Variants in HEATR1 observed in about 807,000 individuals in gnomAD.
The protein encoded by HEATR1 is HEAT repeat-containing protein 1.
In HEATR1, 77 loss-of-function variants were observed where a neutral mutation model predicts 248.2. That is an observed-to-expected ratio of 0.31 (90% CI 0.26 to 0.37). The LOEUF (loss-of-function observed/expected upper bound fraction) is 0.37. HEATR1 is among the 10% of genes least tolerant of loss of function. The probability of loss-of-function intolerance (pLI) is 1.00; values close to 1 mark genes in which losing one functional copy is unlikely to be tolerated. For missense variants in HEATR1, 2,420 were observed against 2,504.9 expected (o/e 0.97, Z 0.72); for synonymous variants, 897 against 923.1 (o/e 0.97, Z 0.51).
At chr1:236,559,636 TTAAAAACTTTACA>T in intron 34 of HEATR1, 65 bp downstream of exon 34, 1 of 1,463,208 alleles carries the variant, frequency 6.8e-7, no homozygotes, top group African/African-American at 1.4e-5. Flanking sequence ...AAGTTTATTC[TTAAAAACTTTACA>T]TAATTTCACA....
intron 3 of HEATR1, among the ~76,000 whole-genome samples, chr1:236,601,583 A>C (rs1572056475): frequency 6.6e-6 from 1 of 152,100 alleles, no homozygotes; most frequent in African/African-American, 2.4e-5. Flanking sequence ...CGGCAGGAGG[A>C]TCGCTTGAGG....
chr1:236,551,890 C>T, intron 44 of HEATR1, 109 bp downstream of exon 44: 2 of 738,368 alleles, frequency 2.7e-6, no homozygotes, highest in South Asian at 1.7e-5. Flanking sequence ...ACTGGATCAA[C>T]TGCTAGTCAC....
chr1:236,565,397 T>C (rs1663243461), intron 31 of HEATR1, among the ~76,000 whole-genome samples: 2 of 152,188 alleles, frequency 1.3e-5, no homozygotes, highest in Non-Finnish European at 2.9e-5. Context: ...AAAGTGATCC[T>C]CCTGTCTCAT....
intron 29 of HEATR1, among the ~76,000 whole-genome samples, chr1:236,568,188 C>A (rs1252832990): frequency 6.6e-6 from 1 of 152,208 alleles, no homozygotes; most frequent in East Asian, 1.9e-4. Flanking sequence ...ATAGAACTTT[C>A]TGGTCATCCT....
rs546690384 is a variant in HEATR1, at chr1:236,596,191, G to A, written c.745-147C>T. On this transcript the variant is annotated intron_variant, in intron 6 of 44. Transcript: ENST00000366582. ...CTCTTCAGACATAAACAATAAAGGA[G>A]CTGACCCCTTTTTCAGAGTGGATAC... The A allele has an allele frequency of 2.1e-4, 131 of 625,728 alleles. No individual in the cohort carries two copies. In the South Asian group the frequency reaches 2.9e-3, roughly 14 times the overall value. 38.8% of individuals were successfully genotyped at this position (625,728 alleles called of 1,614,324 possible).
intron 28 of HEATR1, among the ~76,000 whole-genome samples, chr1:236,570,221 A>G (rs571145355): frequency 4.6e-5 from 7 of 152,326 alleles, no homozygotes; most frequent in East Asian, 3.9e-4. Context: ...CCCAAGAGGC[A>G]GAGCTTGCAG....
chr1:236,557,319 ATTG>A lies in HEATR1; in HGVS notation c.5228_5230del (p.Thr1743del), dbSNP rs1558177637. ...GGAGACCAGCTCGCTGGTGTTCTTC[ATTG>A]TTGTCAGCAACGATGGCATCAGGCT... On this transcript the variant is annotated inframe_deletion, in exon 37 of 45. Coordinates refer to ENST00000366582, the MANE Select transcript of HEATR1 (RefSeq NM_018072.6). 2.5e-6 allele frequency: 4 copies of A among 1,614,158 alleles called. No homozygotes were observed. Among genetic ancestry groups the A allele is most frequent in the South Asian group, 1.1e-5 (1 of 91,068 alleles).
chr1:236,561,921 TC>T (rs1367350521), intron 32 of HEATR1, among the ~76,000 whole-genome samples: 5 of 152,208 alleles, frequency 3.3e-5, no homozygotes, highest in Admixed American at 2.6e-4. Flanking sequence ...CATTTTTATG[TC>T]CCTTTGATCA....
intron 9 of HEATR1, among the ~76,000 whole-genome samples, chr1:236,593,085 C>T (rs1247333715): frequency 1.3e-5 from 2 of 151,920 alleles, no homozygotes; most frequent in African/African-American, 4.8e-5. Context: ...TCCCAGCTAC[C>T]AGGGAGGCTG....
chr1:236,556,368 ACT>A, intron 37 of HEATR1, 110 bp from the exon 38 acceptor site: 1 of 1,095,920 alleles, frequency 9.1e-7, no homozygotes, highest in Non-Finnish European at 1.3e-6. Flanking sequence ...AATGCTTAGC[ACT>A]TTTTAACTAC....
At chr1:236,595,237 G>A (rs796454449) in intron 8 of HEATR1, among the ~76,000 whole-genome samples, 1 of 152,006 alleles carries the variant, frequency 6.6e-6, no homozygotes, top group African/African-American at 2.4e-5. Context: ...AGAAGGCAAA[G>A]GTTTACTCAG....
intron 19 of HEATR1, among the ~76,000 whole-genome samples, chr1:236,581,945 G>C (rs1663760414): frequency 6.6e-6 from 1 of 152,114 alleles, no homozygotes; most frequent in African/African-American, 2.4e-5. Flanking sequence ...CATATTAGTA[G>C]GAGTGTAGCA....
rs1412859088 is a variant in HEATR1 at position 236,559,770 on chromosome 1, G to A, written c.4714C>T (p.Leu1572Phe). The A allele has an allele frequency of 1.9e-6, 3 of 1,614,008 alleles. No individual in the cohort carries two copies. The highest frequency in any genetic ancestry group is 2.2e-5 in the East Asian group (1 of 44,898). ...AQSMERNADK[L>F]TVKFWRALLS... ...AGCGCGCGCCAGAACTTCACGGTGA[G>A]TTTGTCTGCGTTCCTTTCCATGGAC... Residue 1572 changes from leucine to phenylalanine, a missense_variant, in exon 34 of 45, where the codon CTC becomes TTC. By Grantham distance (22) the Leu-to-Phe change is conservative. Coordinates refer to ENST00000366582, the MANE Select transcript of HEATR1 (RefSeq NM_018072.6).
At chr1:236,559,539 T>G (rs1241851618) in intron 34 of HEATR1, among the ~76,000 whole-genome samples, 175 bp downstream of exon 34, 1 of 152,216 alleles carries the variant, frequency 6.6e-6, no homozygotes, top group Non-Finnish European at 1.5e-5. Context: ...AGGAAACAAT[T>G]TTTTCCAGAC....
At chr1:236,576,423 ACAAAGG>A in intron 21 of HEATR1, 46 bp from the exon 22 acceptor site, 20 of 1,354,154 alleles carry the variant, frequency 1.5e-5, no homozygotes, top group Non-Finnish European at 2.0e-5. Context: ...TTAAGAAACT[ACAAAGG>A]CTAAATATAT....
At chr1:236,573,932 C>A (rs1047803986) in intron 24 of HEATR1, 20 of 236,854 alleles carry the variant, frequency 8.4e-5, no homozygotes, top group Non-Finnish European at 8.0e-6. Flanking sequence ...TAGGTAGATT[C>A]CGTCTAATAT....
intron 37 of HEATR1, among the ~76,000 whole-genome samples, chr1:236,556,767 C>A (rs1368413683): frequency 2.0e-5 from 3 of 152,140 alleles, no homozygotes; most frequent in African/African-American, 4.8e-5. Context: ...ATACCACTGG[C>A]CCCTAGCGTG....
intron 37 of HEATR1, 34 bp downstream of exon 37, chr1:236,557,161 C>A: frequency 6.2e-7 from 1 of 1,605,474 alleles, no homozygotes; most frequent in Non-Finnish European, 8.5e-7. Flanking sequence ...TCCCCAGCCA[C>A]CCTGCGTAGC....
Position 236,586,262 on chromosome 1 carries a change from G to C in HEATR1, c.1906C>G (p.Leu636Val). ...SKSGICSLHPLLRGWEEALEN... is the reference protein window; with the variant it reads ...SKSGICSLHPVLRGWEEALEN... ...TTACCTTCTTCCCAGCCTCTTAATA[G>C]AGGGTGCAGGGAGCAGATTCCTGAT... Residue 636 changes from leucine to valine, a missense_variant, in exon 15 of 45, where the codon CTA becomes GTA. Physicochemically the swap from Leu to Val is conservative, Grantham distance 32 (BLOSUM62 1). Transcript: ENST00000366582. 1 of 1,611,628 alleles carries C rather than the reference G, an allele frequency of 6.2e-7. No homozygotes were observed. Among genetic ancestry groups the C allele is most frequent in the Non-Finnish European group, 8.5e-7 (1 of 1,178,938 alleles).
Sources: allele counts gnomAD v4.1 joint callset (sites outside exome capture counted in the v4.1 genomes callset), GRCh38; gene constraint gnomAD v4.1.1; transcripts MANE v1.5; gene names NCBI Gene and HGNC (gene_info 2026-07-23, HGNC 2026-07-21).